Variants in XPR1 observed in about 807,000 individuals in gnomAD.
XPR1 encodes the protein solute carrier family 53 member 1.
A neutral mutation model predicts 87.5 loss-of-function variants in XPR1; 28 were observed. The observed-to-expected ratio is 0.32, with a 90% CI of 0.24 to 0.44. XPR1 has a LOEUF of 0.44. Ranked by LOEUF, XPR1 falls within the 20% of genes least tolerant of loss-of-function variation. The pLI, the probability that XPR1 is intolerant of heterozygous loss-of-function variation, is 1.00. For synonymous variants in XPR1, 300 were observed against 306.1 expected, an observed-to-expected ratio of 0.98 and a Z score of 0.21; for missense variants, 559 against 862.3, an observed-to-expected ratio of 0.65 and a Z score of 4.41.
intron 6 of XPR1, 70 bp from the exon 7 acceptor site, chr1:180,811,337 T>G: frequency 8.0e-7 from 1 of 1,246,858 alleles, no homozygotes. Flanking sequence ...ATTCTACTAT[T>G]TTATTACAGC....
At chr1:180,685,484 G>A (rs1468333598) in intron 2 of XPR1, among the ~76,000 whole-genome samples, 5 of 152,140 alleles carry the variant, frequency 3.3e-5, no homozygotes, top group African/African-American at 7.2e-5. Flanking sequence ...TTGGTATCAG[G>A]ATGATGCTGG....
At chr1:180,746,544 T>A (rs1336649199) in intron 2 of XPR1, among the ~76,000 whole-genome samples, 1 of 152,328 alleles carries the variant, frequency 6.6e-6, no homozygotes, top group African/African-American at 2.4e-5. Context: ...GTTGCTTCCG[T>A]ATCTTTGTAG....
At chr1:180,737,754 G>T (rs1658775833) in intron 2 of XPR1, among the ~76,000 whole-genome samples, 1 of 152,150 alleles carries the variant, frequency 6.6e-6, no homozygotes, top group Non-Finnish European at 1.5e-5. Flanking sequence ...ATAACCCTCT[G>T]AGATTCATGC....
intron 1 of XPR1, among the ~76,000 whole-genome samples, chr1:180,640,379 T>C (rs894351581): frequency 6.6e-6 from 1 of 152,228 alleles, no homozygotes; most frequent in South Asian, 2.1e-4. Context: ...CGTTTCTAGA[T>C]GGTGGAGACT....
chr1:180,849,004 T>A (rs1651780102), intron 11 of XPR1, among the ~76,000 whole-genome samples: 1 of 152,162 alleles, frequency 6.6e-6, no homozygotes, highest in South Asian at 2.1e-4. Flanking sequence ...TAAGAAAGAA[T>A]ATAAGAATAC....
intron 2 of XPR1, among the ~76,000 whole-genome samples, chr1:180,699,277 A>C (rs1657276226): frequency 8.0e-6 from 1 of 125,562 alleles, no homozygotes; most frequent in Non-Finnish European, 1.6e-5. Flanking sequence ...GGTTAGTTAC[A>C]TATGTATACA....
At chr1:180,849,193 A>G (rs73044553) in intron 11 of XPR1, among the ~76,000 whole-genome samples, 2,556 of 152,308 alleles carry the variant, frequency 0.017, 79 homozygotes, top group African/African-American at 0.056. Flanking sequence ...ATTTGCAAAT[A>G]TGTCATGTGT....
intron 11 of XPR1, among the ~76,000 whole-genome samples, chr1:180,847,662 G>T (rs1651730052): frequency 6.6e-6 from 1 of 152,102 alleles, no homozygotes; most frequent in Non-Finnish European, 1.5e-5. Flanking sequence ...AAACTCACAT[G>T]CAAAATATTA....
intron 1 of XPR1, among the ~76,000 whole-genome samples, chr1:180,670,564 C>A (rs1199632141): frequency 6.6e-6 from 1 of 151,982 alleles, no homozygotes; most frequent in Admixed American, 6.6e-5. Context: ...TACTGTGTGC[C>A]CAGAAACTTA....
intron 11 of XPR1, among the ~76,000 whole-genome samples, chr1:180,854,305 T>C (rs1651966043): frequency 6.6e-6 from 1 of 152,176 alleles, no homozygotes; most frequent in Non-Finnish European, 1.5e-5. Context: ...AGGGGAGAGG[T>C]TGGAATTTAT....
At chr1:180,676,081 AT>A (rs914931436) in intron 1 of XPR1, among the ~76,000 whole-genome samples, 5 of 152,332 alleles carry the variant, frequency 3.3e-5, no homozygotes, top group African/African-American at 1.2e-4. Context: ...TTTTCTCCTT[AT>A]AAAATTCAAA....
intron 12 of XPR1, among the ~76,000 whole-genome samples, chr1:180,864,670 AT>A (rs1571904357): frequency 6.6e-6 from 1 of 152,156 alleles, no homozygotes; most frequent in Admixed American, 6.5e-5. Context: ...TTATTTTAGG[AT>A]TTTTTCTATG....
intron 1 of XPR1, among the ~76,000 whole-genome samples, chr1:180,650,382 C>G (rs1655256047): frequency 6.6e-6 from 1 of 152,118 alleles, no homozygotes; most frequent in African/African-American, 2.4e-5. Context: ...ACTACAGGTG[C>G]ACAGCACTAT....
intron 11 of XPR1, among the ~76,000 whole-genome samples, chr1:180,862,047 A>T: frequency 6.6e-6 from 1 of 152,248 alleles, no homozygotes; most frequent in Non-Finnish European, 1.5e-5. Context: ...CTATTTATAA[A>T]GTTATGTAAG....
intron 1 of XPR1, among the ~76,000 whole-genome samples, chr1:180,656,840 T>C (rs1438223507): frequency 2.0e-5 from 3 of 150,960 alleles, no homozygotes; most frequent in Non-Finnish European, 4.4e-5. Context: ...ATTTTCTTTA[T>C]TCCAGGTATA....
intron 2 of XPR1, among the ~76,000 whole-genome samples, chr1:180,765,845 T>C (rs1397142337): frequency 2.0e-5 from 3 of 152,190 alleles, no homozygotes; most frequent in Admixed American, 6.5e-5. Flanking sequence ...CTCCCTTTTT[T>C]CTGAACTTTT....
intron 1 of XPR1, among the ~76,000 whole-genome samples, chr1:180,676,305 C>T (rs7527074): frequency 0.043 from 6,528 of 152,196 alleles, 492 homozygotes; most frequent in African/African-American, 0.15. Flanking sequence ...TGGTTCCTGA[C>T]AGCATTATTT....
At chr1:180,693,952 A>T (rs1043595900) in intron 2 of XPR1, among the ~76,000 whole-genome samples, 7 of 152,070 alleles carry the variant, frequency 4.6e-5, no homozygotes, top group Admixed American at 1.3e-4. Context: ...TCTTAAAAAA[A>T]TTTTTGTTGT....
intron 10 of XPR1, among the ~76,000 whole-genome samples, chr1:180,835,500 C>A (rs991969331): frequency 1.1e-4 from 17 of 151,942 alleles, no homozygotes; most frequent in Non-Finnish European, 1.2e-4. Flanking sequence ...TTTCGCACCC[C>A]CCCCTTAGTT....
Sources: gnomAD v4.1 joint callset for allele counts (sites outside exome capture counted in the v4.1 genomes callset) on GRCh38, gnomAD v4.1.1 for gene constraint, MANE v1.5 for transcripts, NCBI Gene and HGNC (gene_info 2026-07-23, HGNC 2026-07-21) for gene names.